Variants in PDE1C observed in about 807,000 individuals in gnomAD.
The protein encoded by PDE1C is dual specificity calcium/calmodulin-dependent 3',5'-cyclic nucleotide phosphodiesterase 1C.
PDE1C carries 62 observed loss-of-function variants against 93.1 expected under a neutral mutation model. The ratio of observed to expected loss-of-function variants is 0.67; its 90% CI spans 0.54 to 0.82. PDE1C has a LOEUF of 0.82. Among genes scored for constraint, PDE1C ranks in the 40% least tolerant of loss-of-function variants. The pLI, the probability that PDE1C is intolerant of heterozygous loss-of-function variation, is 0.00. For missense variants in PDE1C, 742 were observed against 884.6 expected (o/e 0.84, Z 2.04); for synonymous variants, 325 against 310.1 (o/e 1.05, Z -0.50).
intron 9 of PDE1C, among the ~76,000 whole-genome samples, chr7:31,847,340 G>C (rs1167213122): frequency 6.6e-6 from 1 of 152,110 alleles, no homozygotes; most frequent in Non-Finnish European, 1.5e-5. Flanking sequence ...ACAGGTATGT[G>C]CCTAAATCCA....
At chr7:32,260,748 T>C (rs1366885176) in intron 1 of PDE1C, among the ~76,000 whole-genome samples, 1 of 151,882 alleles carries the variant, frequency 6.6e-6, no homozygotes, top group African/African-American at 2.4e-5. Context: ...AAACAAAATT[T>C]ATAACAGCCC....
chr7:31,793,980 T>C (rs554672380), intron 16 of PDE1C, among the ~76,000 whole-genome samples: 1 of 149,378 alleles, frequency 6.7e-6, no homozygotes, highest in African/African-American at 2.5e-5. Flanking sequence ...GACAGACACA[T>C]AGATAAACCA....
intron 5 of PDE1C, among the ~76,000 whole-genome samples, chr7:31,876,643 C>A (rs1300364478): frequency 2.0e-5 from 3 of 152,116 alleles, no homozygotes; most frequent in Non-Finnish European, 4.4e-5. Context: ...ATTAATACAA[C>A]TTCATAGTGG....
At chr7:31,922,571 T>C (rs1046290037) in intron 2 of PDE1C, among the ~76,000 whole-genome samples, 1 of 152,212 alleles carries the variant, frequency 6.6e-6, no homozygotes, top group African/African-American at 2.4e-5. Context: ...CAAGCCATCA[T>C]TAAACTTCCC....
At chr7:32,035,427 C>A (rs376985144) in intron 2 of PDE1C, among the ~76,000 whole-genome samples, 1 of 152,176 alleles carries the variant, frequency 6.6e-6, no homozygotes, top group Non-Finnish European at 1.5e-5. Context: ...CCAAAATAAA[C>A]CTGTCTTTGA....
chr7:32,154,491 T>C (rs1801450433), intron 3 of PDE1C, among the ~76,000 whole-genome samples: 1 of 152,176 alleles, frequency 6.6e-6, no homozygotes. Context: ...GATGTGGACA[T>C]AACAGAATTA....
intron 3 of PDE1C, among the ~76,000 whole-genome samples, chr7:32,083,380 G>A (rs1467453323): frequency 6.6e-6 from 1 of 152,096 alleles, no homozygotes; most frequent in African/African-American, 2.4e-5. Flanking sequence ...TCTGATTGGT[G>A]TACCTGAAAG....
chr7:31,622,793 C>T, the PDE1C span, among the ~76,000 whole-genome samples: 4 of 151,938 alleles, frequency 2.6e-5, no homozygotes, highest in African/African-American at 7.3e-5. Context: ...CACAAAAAAC[C>T]CTTCAAAAAA....
the PDE1C span, among the ~76,000 whole-genome samples, chr7:31,723,539 C>T: frequency 6.6e-6 from 1 of 152,104 alleles, no homozygotes; most frequent in South Asian, 2.1e-4. Flanking sequence ...AGTGGTTCTC[C>T]CTGTCCTGTT....
the PDE1C span, among the ~76,000 whole-genome samples, chr7:31,678,941 G>T: frequency 6.6e-6 from 1 of 152,120 alleles, no homozygotes; most frequent in Non-Finnish European, 1.5e-5. Context: ...AAAAGCAAAA[G>T]GATACAATTT....
At position 31,944,150 on chromosome 7, in the gene PDE1C, A is replaced by G. The variant is rs562920466; in HGVS notation, c.129-63290T>C. Reference sequence around the variant, plus strand: ...TAAAACTTCACTTAGCCCAAACCCCACTTTTCAAATCCCCAGCACAAGACA... The same window carrying G: ...TAAAACTTCACTTAGCCCAAACCCCGCTTTTCAAATCCCCAGCACAAGACA... On this transcript the variant is annotated intron_variant, in intron 2 of 17. Transcript: ENST00000396191. Among the ~76,000 whole-genome samples the G allele has an allele frequency of 1.8e-3, 275 of 152,010 alleles. 1 individual carries two copies. The highest frequency in any genetic ancestry group is 6.2e-3 in the African/African-American group (258 of 41,486).
intron 3 of PDE1C, among the ~76,000 whole-genome samples, chr7:32,096,289 G>A (rs367815187): frequency 9.9e-5 from 15 of 152,280 alleles, no homozygotes; most frequent in East Asian, 3.9e-4. Context: ...AACCAAAGCC[G>A]GGGAGAGGAA....
chr7:31,746,137 C>T, the PDE1C span, among the ~76,000 whole-genome samples: 1 of 152,136 alleles, frequency 6.6e-6, no homozygotes, highest in African/African-American at 2.4e-5. Flanking sequence ...GCCTCTGCCA[C>T]TGGTCACTGG....
chr7:31,802,009 A>G (rs1425467312), intron 16 of PDE1C, among the ~76,000 whole-genome samples: 1 of 151,538 alleles, frequency 6.6e-6, no homozygotes, highest in East Asian at 1.9e-4. Context: ...ATATTTGAAT[A>G]TTACAATCTC....
chr7:31,945,466 T>G (rs564392429), intron 2 of PDE1C, among the ~76,000 whole-genome samples: 2 of 152,262 alleles, frequency 1.3e-5, no homozygotes, highest in South Asian at 4.1e-4. Context: ...TTATTTCTCC[T>G]TCATTTATGA....
chr7:32,052,556 G>A (rs1793536707), intron 1 of PDE1C, among the ~76,000 whole-genome samples: 1 of 152,122 alleles, frequency 6.6e-6, no homozygotes, highest in African/African-American at 2.4e-5. Context: ...TAGCATATCC[G>A]GGAAGTACAA....
At chr7:31,696,937 TTCTC>T in the PDE1C span, 27 of 1,609,928 alleles carry the variant, frequency 1.7e-5, 1 homozygote, top group East Asian at 2.9e-4. Flanking sequence ...TTGATCCTGT[TTCTC>T]TCTGTGTTCC....
At chr7:32,268,367 A>G (rs996510752) in intron 1 of PDE1C, among the ~76,000 whole-genome samples, 1 of 152,154 alleles carries the variant, frequency 6.6e-6, no homozygotes, top group African/African-American at 2.4e-5. Flanking sequence ...CTCCCGCCTC[A>G]GTTTCTCTAC....
chr7:31,967,013 A>T (rs59763539), intron 2 of PDE1C, among the ~76,000 whole-genome samples: 5,924 of 152,182 alleles, frequency 0.039, 404 homozygotes, highest in African/African-American at 0.14. Flanking sequence ...AGCAGGAACG[A>T]TCCAAAATTG....
Sources: gnomAD v4.1 joint callset for allele counts (sites outside exome capture counted in the v4.1 genomes callset) on GRCh38, gnomAD v4.1.1 for gene constraint, MANE v1.5 for transcripts, NCBI Gene and HGNC (gene_info 2026-07-23, HGNC 2026-07-21) for gene names.